The following TSHR variants were observed in gnomAD, a reference collection of about 807,000 sequenced individuals.
The protein encoded by TSHR is thyroid stimulating hormone receptor.
TSHR carries 51 observed loss-of-function variants against 64.1 expected under a neutral mutation model. That is an observed-to-expected ratio of 0.80 (90% CI 0.64 to 1.01). The LOEUF (loss-of-function observed/expected upper bound fraction) is 1.01. TSHR is among the 50% of genes least tolerant of loss of function. TSHR has a pLI of 0.00. For synonymous variants in TSHR, 361 were observed against 361.9 expected (o/e 1.00, Z 0.03); for missense variants, 877 against 942.8 (o/e 0.93, Z 0.91).
intron 1 of TSHR, among the ~76,000 whole-genome samples, chr14:80,999,621 A>G (rs553018474): frequency 6.6e-6 from 1 of 152,082 alleles, no homozygotes; most frequent in African/African-American, 2.4e-5. Flanking sequence ...CTAAAAGTGG[A>G]TTTTTTTCCA....
chr14:81,000,592 A>C (rs1156702561), intron 1 of TSHR, among the ~76,000 whole-genome samples: 1 of 151,156 alleles, frequency 6.6e-6, no homozygotes, highest in Non-Finnish European at 1.5e-5. Flanking sequence ...CTCAGTCTTC[A>C]TGGGTCGCAG....
intron 1 of TSHR, among the ~76,000 whole-genome samples, chr14:80,969,358 A>C (rs1887481885): frequency 6.6e-6 from 1 of 152,234 alleles, no homozygotes; most frequent in Non-Finnish European, 1.5e-5. Context: ...CTGGTAGATC[A>C]GGTATTTTAT....
intron 2 of TSHR, among the ~76,000 whole-genome samples, chr14:81,065,556 C>G (rs2139901509): frequency 6.6e-6 from 1 of 152,190 alleles, no homozygotes; most frequent in Non-Finnish European, 1.5e-5. Flanking sequence ...TGAGGCTTCC[C>G]CCAGGGAGAC....
intron 1 of TSHR, among the ~76,000 whole-genome samples, chr14:80,971,002 A>C (rs565409036): frequency 6.6e-6 from 1 of 152,214 alleles, no homozygotes; most frequent in African/African-American, 2.4e-5. Flanking sequence ...TGCCCGGCTA[A>C]TTTTTGTATT....
At chr14:81,059,251 C>G (rs1211098582) in intron 1 of TSHR, among the ~76,000 whole-genome samples, 1 of 152,012 alleles carries the variant, frequency 6.6e-6, no homozygotes, top group Non-Finnish European at 1.5e-5. Context: ...AAATAGATAC[C>G]TTAGAAGAAA....
chr14:81,000,264 T>TAATACCACCCCAGAAACCAGTTGC (rs71103893), intron 1 of TSHR, among the ~76,000 whole-genome samples: 1 of 151,808 alleles, frequency 6.6e-6, no homozygotes, highest in East Asian at 1.9e-4. Context: ...ACTGACATTG[T>TAATACCACCCCAGAAACCAGTTGC]AAACCAGAAT....
intron 1 of TSHR, among the ~76,000 whole-genome samples, chr14:81,017,793 G>C (rs1029730931): frequency 4.6e-5 from 7 of 151,150 alleles, no homozygotes; most frequent in African/African-American, 1.7e-4. Context: ...ACTTCCCCTG[G>C]GAAGCCTGAT....
At chr14:81,141,062 G>T (rs1891664233) in intron 9 of TSHR, among the ~76,000 whole-genome samples, 2 of 152,244 alleles carry the variant, frequency 1.3e-5, no homozygotes, top group Admixed American at 1.3e-4. Context: ...GTAGGCGGAG[G>T]TTGCAGTGAG....
chr14:81,000,401 A>T (rs1310896555), intron 1 of TSHR, among the ~76,000 whole-genome samples: 3 of 150,664 alleles, frequency 2.0e-5, no homozygotes, highest in African/African-American at 7.3e-5. Context: ...GAACACCAGG[A>T]ATATTTTCAT....
intron 1 of TSHR, among the ~76,000 whole-genome samples, chr14:80,973,428 A>AAAAAAAAAAAAAAAAC (rs1276844641): frequency 6.9e-6 from 1 of 145,138 alleles, no homozygotes; most frequent in Non-Finnish European, 1.5e-5. Flanking sequence ...AAAAAAAAAA[A>AAAAAAAAAAAAAAAAC]ATCTGTGTAC....
chr14:81,120,831 C>T (rs1157327213), intron 8 of TSHR, among the ~76,000 whole-genome samples: 1 of 152,050 alleles, frequency 6.6e-6, no homozygotes, highest in Non-Finnish European at 1.5e-5. Context: ...CAAATATCCT[C>T]AGAGAGACAA....
chr14:81,115,133 C>T (rs1273412816), intron 8 of TSHR, among the ~76,000 whole-genome samples: 2 of 152,138 alleles, frequency 1.3e-5, no homozygotes, highest in Admixed American at 6.5e-5. Context: ...CTCTCCTCCT[C>T]CAAAGGAACG....
intron 1 of TSHR, among the ~76,000 whole-genome samples, chr14:81,024,847 T>C (rs1883964827): frequency 6.6e-6 from 1 of 152,180 alleles, no homozygotes; most frequent in Non-Finnish European, 1.5e-5. Flanking sequence ...AATGGCACTT[T>C]GTATAGATCC....
At chr14:81,015,183 A>G (rs1890121628) in intron 1 of TSHR, among the ~76,000 whole-genome samples, 1 of 152,218 alleles carries the variant, frequency 6.6e-6, no homozygotes, top group Non-Finnish European at 1.5e-5. Context: ...GAAACTCTAA[A>G]TAAGCATTGA....
At position 81,075,100 on chromosome 14, in the gene TSHR, CT is replaced by C. The variant is rs148092174; in HGVS notation, c.317+6778del. Among the ~76,000 whole-genome samples the C allele has an allele frequency of 3.0e-3, 458 of 152,344 alleles. 3 individuals carry two copies. Among genetic ancestry groups the C allele is most frequent in the African/African-American group, 0.011 (438 of 41,574 alleles). On this transcript the variant is annotated intron_variant, in intron 3 of 9. Transcript: ENST00000298171. ...TGAACAGACCACAGACCATAATTTA[CT>C]TTTTTACCAATCACCGAGTTTCAGC... is the stretch of plus-strand genomic sequence containing the variant.
At chr14:80,976,822 G>A (rs1411132243) in intron 1 of TSHR, among the ~76,000 whole-genome samples, 2 of 152,210 alleles carry the variant, frequency 1.3e-5, no homozygotes, top group Non-Finnish European at 1.5e-5. Flanking sequence ...CTCTTTCAGC[G>A]AATCATTGAA....
chr14:81,121,794 T>G (rs1038913208), intron 8 of TSHR, among the ~76,000 whole-genome samples: 4 of 151,488 alleles, frequency 2.6e-5, no homozygotes, highest in African/African-American at 9.7e-5. Flanking sequence ...ATACAAAAAT[T>G]AGCCAGGCAT....
chr14:80,963,818 C>T lies in TSHR; in HGVS notation c.170+7968C>T, dbSNP rs150696812. ...TCAGGGGAGAAGGGCAGGAAAAAGTCGGAGAGACCTTCTGCTTCTGTTGTT... is the reference window on the plus strand; with the variant it reads ...TCAGGGGAGAAGGGCAGGAAAAAGTTGGAGAGACCTTCTGCTTCTGTTGTT... On this transcript the variant is annotated intron_variant, in intron 1 of 9. Transcript: ENST00000298171. Among the ~76,000 whole-genome samples, 360 of 152,242 alleles carry T rather than the reference C, an allele frequency of 2.4e-3. 2 individuals carry two copies. The highest frequency in any genetic ancestry group is 8.3e-3 in the African/African-American group (344 of 41,550).
chr14:81,096,896 A>G (rs1246063534), intron 7 of TSHR, among the ~76,000 whole-genome samples, 189 bp downstream of exon 7: 4 of 149,288 alleles, frequency 2.7e-5, no homozygotes, highest in Admixed American at 1.3e-4. Flanking sequence ...GTTAGCTCCA[A>G]TGGTAAGTTC....
Sources: gnomAD v4.1 joint callset for allele counts (sites outside exome capture counted in the v4.1 genomes callset) on GRCh38, gnomAD v4.1.1 for gene constraint, MANE v1.5 for transcripts, NCBI Gene and HGNC (gene_info 2026-07-23, HGNC 2026-07-21) for gene names.